Variants in CDH13 observed in about 807,000 individuals in gnomAD.
The protein encoded by CDH13 is cadherin-13.
A neutral mutation model predicts 63.8 loss-of-function variants in CDH13; 24 were observed. The ratio of observed to expected loss-of-function variants is 0.38; its 90% CI spans 0.27 to 0.53. The LOEUF (loss-of-function observed/expected upper bound fraction) is 0.53, where lower values mean the gene tolerates loss of function less well. Among genes scored for constraint, CDH13 ranks in the 20% least tolerant of loss-of-function variants. CDH13 has a pLI of 0.85. For missense variants in CDH13, 1,049 were observed against 903.1 expected, an observed-to-expected ratio of 1.16 and a Z score of -2.07; for synonymous variants, 503 against 355.3, an observed-to-expected ratio of 1.42 and a Z score of -4.67.
chr16:83,394,550 A>G (rs887442444), intron 6 of CDH13, among the ~76,000 whole-genome samples: 1 of 152,122 alleles, frequency 6.6e-6, no homozygotes, highest in African/African-American at 2.4e-5. Context: ...ATCACATCCA[A>G]CTGTGCAGGC....
chr16:82,902,033 G>A (rs2041488915), intron 2 of CDH13, among the ~76,000 whole-genome samples: 1 of 152,200 alleles, frequency 6.6e-6, no homozygotes, highest in South Asian at 2.1e-4. Context: ...ACGTGGCAGA[G>A]TCAAGACTCA....
chr16:82,723,539 C>T (rs1421493385), intron 1 of CDH13, among the ~76,000 whole-genome samples: 1 of 152,112 alleles, frequency 6.6e-6, no homozygotes, highest in Non-Finnish European at 1.5e-5. Context: ...TGCCCTATTC[C>T]TCTGTCTGCC....
intron 2 of CDH13, among the ~76,000 whole-genome samples, chr16:82,917,034 A>T (rs554475196): frequency 6.6e-6 from 1 of 152,358 alleles, no homozygotes; most frequent in East Asian, 1.9e-4. Flanking sequence ...AAACATAAGG[A>T]GGCAAATAAA....
chr16:83,267,574 A>G (rs1209853342), intron 5 of CDH13, among the ~76,000 whole-genome samples: 2 of 152,154 alleles, frequency 1.3e-5, no homozygotes, highest in African/African-American at 2.4e-5. Context: ...TGAATAGATG[A>G]ATGCTGTTAT....
chr16:83,794,626 C>CATATATATATATATAT (rs34550866), intron 13 of CDH13, among the ~76,000 whole-genome samples: 37 of 149,202 alleles, frequency 2.5e-4, no homozygotes, highest in African/African-American at 8.6e-4. Context: ...CTTAAGTCAA[C>CATATATATATATATAT]ATATATATAT....
intron 2 of CDH13, among the ~76,000 whole-genome samples, chr16:82,876,594 C>T (rs1023090803): frequency 1.3e-5 from 2 of 152,110 alleles, no homozygotes; most frequent in African/African-American, 4.8e-5. Flanking sequence ...CGTCATGGGC[C>T]CCTAACAAGA....
In CDH13 at chr16:82,787,739, T is replaced by C. The variant is rs796163556; in HGVS notation, c.46-70623T>C. 7.3e-5 allele frequency among the ~76,000 whole-genome samples: 11 copies of C among 151,274 alleles called. 1 individual carries two copies. Among genetic ancestry groups the C allele is most frequent in the African/African-American group, 2.7e-4 (11 of 41,082 alleles). On this transcript the variant is annotated intron_variant, in intron 1 of 13. Transcript: ENST00000567109. Reference sequence around the variant, plus strand: ...CTCAATCCCAAATTAGGCTCATTAATCATGCTCTTGATTTTAATAACAATT... The same window carrying C: ...CTCAATCCCAAATTAGGCTCATTAACCATGCTCTTGATTTTAATAACAATT...
At position 83,457,022 on chromosome 16, in the gene CDH13, G is replaced by A. The variant is rs116255527; in HGVS notation, c.782-29455G>A. 9.0e-3 allele frequency among the ~76,000 whole-genome samples: 1,375 copies of A among 152,270 alleles called. 16 individuals carry two copies. The highest frequency in any genetic ancestry group is 0.032 in the African/African-American group (1,330 of 41,554). On this transcript the variant is annotated intron_variant, in intron 6 of 13. Transcript: ENST00000567109. ...CTGATGGAGCTGAAATGCCAGGTAA[G>A]CAAGAGGCAGGTTACTAGGGGTCTG...
intron 2 of CDH13, among the ~76,000 whole-genome samples, chr16:82,973,586 A>G (rs919365863): frequency 2.0e-5 from 3 of 152,230 alleles, no homozygotes; most frequent in African/African-American, 7.2e-5. Flanking sequence ...TAAACAAACC[A>G]ACACAAGACA....
rs191182803 is a variant in CDH13, at chr16:83,664,299, G to A, written c.1102-6491G>A. On this transcript the variant is annotated intron_variant, in intron 8 of 13. Transcript: ENST00000567109. Reference sequence around the variant, plus strand: ...TTCTACTGTGACGTAGCTAGGGAAGGACTTAGTAGGTTCCAATCATCTTGA... The same window carrying A: ...TTCTACTGTGACGTAGCTAGGGAAGAACTTAGTAGGTTCCAATCATCTTGA... Among the ~76,000 whole-genome samples the A allele has an allele frequency of 3.5e-3, 538 of 152,226 alleles. 3 individuals carry two copies. The highest frequency in any genetic ancestry group is 0.012 in the African/African-American group (513 of 41,532).
intron 3 of CDH13, among the ~76,000 whole-genome samples, chr16:83,060,122 C>A (rs1312305561): frequency 6.6e-6 from 1 of 152,038 alleles, no homozygotes; most frequent in Admixed American, 6.6e-5. Context: ...CCCAAAAGCT[C>A]TATGGCTTCA....
Position 83,047,088 on chromosome 16 carries a change from G to C in CDH13, c.366+14870G>C, listed in dbSNP as rs1299316333. 1.3e-5 allele frequency among the ~76,000 whole-genome samples: 2 copies of C among 152,186 alleles called. No individual in the cohort carries two copies. Among genetic ancestry groups the C allele is most frequent in the African/African-American group, 4.8e-5 (2 of 41,458 alleles). On this transcript the variant is annotated intron_variant, in intron 3 of 13. Coordinates refer to ENST00000567109, the MANE Select transcript of CDH13 (RefSeq NM_001257.5). This position sits in a 1 kb window ranked among gnomAD's most constrained non-coding sequence, Gnocchi z 4.9. ...CAGGCAAATTAGGATTCCTTTGACA[G>C]CAACTTTTTACAACTTCCTTCCTTT...
At chr16:83,611,026 T>A (rs566574126) in intron 8 of CDH13, among the ~76,000 whole-genome samples, 1 of 152,316 alleles carries the variant, frequency 6.6e-6, no homozygotes, top group South Asian at 2.1e-4. Flanking sequence ...CCTGAGGCTT[T>A]AATTTGTATT....
At position 82,905,790 on chromosome 16, in the gene CDH13, T is replaced by G. The variant is rs188289730; in HGVS notation, c.157+47317T>G. ...TTTGTACTAAGTTGTTAGAATCCAG[T>G]GTGTATTTATTTTGCACTTGTGGCA... On this transcript the variant is annotated intron_variant, in intron 2 of 13. Transcript: ENST00000567109. Among the ~76,000 whole-genome samples the G allele has an allele frequency of 3.9e-3, 588 of 152,282 alleles. 3 individuals are homozygous for G. Among genetic ancestry groups the G allele is most frequent in the African/African-American group, 0.013 (553 of 41,564 alleles).
intron 1 of CDH13, among the ~76,000 whole-genome samples, chr16:82,850,042 AT>A (rs1386468692): frequency 2.0e-5 from 3 of 152,332 alleles, no homozygotes; most frequent in East Asian, 1.9e-4. Context: ...TATAATTTCC[AT>A]TTTTCAGCCC....
intron 3 of CDH13, among the ~76,000 whole-genome samples, chr16:83,091,590 G>A (rs2033916224): frequency 6.6e-6 from 1 of 152,178 alleles, no homozygotes; most frequent in South Asian, 2.1e-4. Flanking sequence ...TAAGTCATGG[G>A]CTGGTCTTGC....
intron 1 of CDH13, among the ~76,000 whole-genome samples, chr16:82,649,405 G>T (rs890204899): frequency 5.9e-5 from 9 of 152,134 alleles, no homozygotes; most frequent in African/African-American, 2.2e-4. Flanking sequence ...GTGGAAAATA[G>T]GGCATTTCAA....
At chr16:82,677,446 C>CTTTTTTTTTTTTTTTT (rs3041877) in intron 1 of CDH13, among the ~76,000 whole-genome samples, 1 of 130,730 alleles carries the variant, frequency 7.6e-6, no homozygotes, top group Non-Finnish European at 1.6e-5. Flanking sequence ...ACTCTTCTGC[C>CTTTTTTTTTTTTTTTT]TTTTTTTTTT....
chr16:83,597,950 C>A (rs1455016429), intron 7 of CDH13, among the ~76,000 whole-genome samples: 1 of 152,230 alleles, frequency 6.6e-6, no homozygotes, highest in African/African-American at 2.4e-5. Flanking sequence ...GTCCTCAACG[C>A]TAAACTTTGA....
Sources: allele counts gnomAD v4.1 joint callset (sites outside exome capture counted in the v4.1 genomes callset), GRCh38; gene constraint gnomAD v4.1.1; non-coding constraint Gnocchi (gnomAD v3.1); transcripts MANE v1.5; gene names NCBI Gene and HGNC (gene_info 2026-07-23, HGNC 2026-07-21).